Variants in ESR1 observed in about 807,000 individuals in gnomAD.
ESR1 encodes estrogen receptor.
ESR1 carries 12 observed loss-of-function variants against 52.7 expected under a neutral mutation model. The observed-to-expected ratio is 0.23, with a 90% confidence interval of 0.15 to 0.37. The LOEUF is 0.37. Ranked by LOEUF, ESR1 falls within the 10% of genes least tolerant of loss-of-function variation. The probability of loss-of-function intolerance (pLI) is 1.00; values close to 1 mark genes in which losing one functional copy is unlikely to be tolerated. For synonymous variants in ESR1, 305 were observed against 316.8 expected, an observed-to-expected ratio of 0.96 and a Z score of 0.39; for missense variants, 584 against 779.7, an observed-to-expected ratio of 0.75 and a Z score of 2.99.
intron 2 of ESR1, among the ~76,000 whole-genome samples, chr6:151,781,108 A>G (rs1344020397): frequency 6.6e-6 from 1 of 152,250 alleles, no homozygotes; most frequent in African/African-American, 2.4e-5. Context: ...ATTTTAATAG[A>G]ATTCCTTAAT....
upstream of ESR1, among the ~76,000 whole-genome samples, chr6:151,686,453 A>T (rs1484655575): frequency 6.6e-6 from 1 of 152,140 alleles, no homozygotes; most frequent in Non-Finnish European, 1.5e-5. Flanking sequence ...TGGGAGGCCG[A>T]GGCGGCCGGA....
intron 3 of ESR1, among the ~76,000 whole-genome samples, chr6:151,928,378 A>C (rs2033081695): frequency 1.3e-5 from 2 of 152,230 alleles, no homozygotes; most frequent in Non-Finnish European, 2.9e-5. Flanking sequence ...CGATGATCAC[A>C]TAGCTGACTG....
intron 4 of ESR1, among the ~76,000 whole-genome samples, chr6:151,985,540 C>CAAAAAAAAAAAAAAAAA (rs556588370): frequency 1.2e-5 from 1 of 81,110 alleles, no homozygotes; most frequent in African/African-American, 5.1e-5. Context: ...AAAACACAAA[C>CAAAAAAAAAAAAAAAAA]AAAAAAAAAA....
chr6:151,695,042 T>C (rs1388086733), intron 1 of ESR1, among the ~76,000 whole-genome samples: 1 of 152,164 alleles, frequency 6.6e-6, no homozygotes, highest in African/African-American at 2.4e-5. Flanking sequence ...TGGATGCGGT[T>C]TTGAGGGGAT....
chr6:151,795,048 A>G (rs979679262), intron 2 of ESR1, among the ~76,000 whole-genome samples: 1 of 152,216 alleles, frequency 6.6e-6, no homozygotes, highest in Non-Finnish European at 1.5e-5. Context: ...AATAGCAAGA[A>G]GAACTTGCGT....
intron 2 of ESR1, among the ~76,000 whole-genome samples, chr6:151,717,662 G>C (rs973221506): frequency 1.3e-5 from 2 of 152,056 alleles, no homozygotes; most frequent in African/African-American, 4.8e-5. Context: ...GGCTGACCCC[G>C]GTGGTAGGGT....
At chr6:151,838,515 G>T (rs1783759027) in intron 1 of ESR1, among the ~76,000 whole-genome samples, 1 of 152,172 alleles carries the variant, frequency 6.6e-6, no homozygotes, top group Non-Finnish European at 1.5e-5. Flanking sequence ...TCTGTATTCT[G>T]AGGACACAGC....
At chr6:151,674,258 A>T (rs1342621341) in intron 1 of ESR1, among the ~76,000 whole-genome samples, 1 of 152,036 alleles carries the variant, frequency 6.6e-6, no homozygotes, top group Admixed American at 6.5e-5. Context: ...TTCAACTCCC[A>T]TTTATGAGTG....
chr6:151,931,199 T>G (rs1363159745), intron 3 of ESR1, among the ~76,000 whole-genome samples: 1 of 152,208 alleles, frequency 6.6e-6, no homozygotes, highest in East Asian at 1.9e-4. Context: ...TGTTATACCT[T>G]TTGCTTTTTC....
In ESR1 at chr6:152,094,428, G is replaced by T. The variant is rs1446557710; in HGVS notation, c.1413G>T (p.Glu471Asp). ...FLSSTLKSLE[E>D]KDHIHRVLDK... ...CCAGCACCCTGAAGTCTCTGGAAGA[G>T]AAGGACCATATCCACCGAGTCCTGG... The change falls in exon 7 of 8, where the codon GAG becomes GAT. Residue 471 changes from glutamate (E) to aspartate (D), a missense_variant. Physicochemically the swap from Glu to Asp is conservative, Grantham distance 45 (BLOSUM62 2). This residue lies in a region of ESR1 where 141 missense variants were observed against 289.3 expected (regional missense o/e 0.49). Transcript: ENST00000206249. This position sits in a 1 kb window ranked among gnomAD's most constrained non-coding sequence, Gnocchi z 4.6. The T allele has an allele frequency of 3.1e-6, 5 of 1,614,134 alleles. No homozygotes were observed. The highest frequency in any genetic ancestry group is 4.2e-6 in the Non-Finnish European group (5 of 1,180,030).
At chr6:152,086,643 C>T (rs1416276057) in intron 6 of ESR1, among the ~76,000 whole-genome samples, 2 of 150,400 alleles carry the variant, frequency 1.3e-5, no homozygotes, top group African/African-American at 2.5e-5. Flanking sequence ...AAAAATTATA[C>T]CAAGTTGAAA....
intron 4 of ESR1, among the ~76,000 whole-genome samples, chr6:151,993,235 G>A (rs1562643691): frequency 6.6e-6 from 1 of 152,048 alleles, no homozygotes. Context: ...CTATAAAGGA[G>A]AAAACATCTT....
At chr6:152,125,285 A>G (rs761843408) in exon 7 of ESR1, 17 of 1,550,360 alleles carry the variant, frequency 1.1e-5, no homozygotes, top group East Asian at 7.3e-5. Context: ...ATGTAGAAGC[A>G]AAGAAGAGAA....
chr6:152,036,729 G>A (rs149149548), intron 5 of ESR1, among the ~76,000 whole-genome samples: 1 of 152,304 alleles, frequency 6.6e-6, no homozygotes, highest in African/African-American at 2.4e-5. Flanking sequence ...AGAGGTTGGT[G>A]GAGTTTTCTA....
intron 2 of ESR1, among the ~76,000 whole-genome samples, chr6:151,852,198 T>A (rs1786885214): frequency 6.6e-6 from 1 of 152,154 alleles, no homozygotes; most frequent in South Asian, 2.1e-4. Context: ...GATAGCTGGA[T>A]GTCCAGATGG....
chr6:151,868,818 C>T (rs1790423227), intron 2 of ESR1, among the ~76,000 whole-genome samples: 1 of 152,038 alleles, frequency 6.6e-6, no homozygotes, highest in Non-Finnish European at 1.5e-5. Context: ...TTACTCTTAT[C>T]AGGATACCTG....
intron 6 of ESR1, among the ~76,000 whole-genome samples, chr6:152,076,512 A>G (rs577591414): frequency 1.3e-5 from 2 of 152,324 alleles, no homozygotes; most frequent in South Asian, 2.1e-4. Context: ...TGTGGAAGCA[A>G]TCTTGGAACT....
chr6:151,834,415 G>A (rs570113673), intron 1 of ESR1, among the ~76,000 whole-genome samples: 1 of 152,236 alleles, frequency 6.6e-6, no homozygotes, highest in South Asian at 2.1e-4. Flanking sequence ...GGGTGAAGCT[G>A]GAAACCATCA....
At chr6:152,095,820 C>A (rs866257514) in intron 7 of ESR1, among the ~76,000 whole-genome samples, 1 of 152,228 alleles carries the variant, frequency 6.6e-6, no homozygotes, top group Non-Finnish European at 1.5e-5. Context: ...AGACTGACAA[C>A]TCTGTGAGCC....
Sources: allele counts gnomAD v4.1 joint callset (sites outside exome capture counted in the v4.1 genomes callset), GRCh38; gene constraint gnomAD v4.1.1; regional missense constraint gnomAD v4.1.1; non-coding constraint Gnocchi (gnomAD v3.1); transcripts MANE v1.5; gene names NCBI Gene and HGNC (gene_info 2026-07-23, HGNC 2026-07-21).